The following LINGO2 variants were observed in gnomAD, a reference collection of about 807,000 sequenced individuals.
LINGO2 encodes leucine rich repeat and Ig domain containing 2, also known as leucine-rich repeat and immunoglobulin-like domain-containing nogo receptor-interacting protein 2.
In LINGO2, 14 loss-of-function variants were observed where a neutral mutation model predicts 30.6. That is an observed-to-expected ratio of 0.46 (90% confidence interval 0.30 to 0.72). The LOEUF (loss-of-function observed/expected upper bound fraction) is 0.72. Among genes scored for constraint, LINGO2 ranks in the 30% least tolerant of loss-of-function variants. The probability of loss-of-function intolerance (pLI) is 0.07; values close to 1 mark genes in which losing one functional copy is unlikely to be tolerated. For synonymous variants in LINGO2, 317 were observed against 288.5 expected (o/e 1.10, Z -1.00); for missense variants, 729 against 751.7 (o/e 0.97, Z 0.35).
At chr9:28,677,111 A>G in the LINGO2 span, among the ~76,000 whole-genome samples, 1 of 152,136 alleles carries the variant, frequency 6.6e-6, no homozygotes, top group Non-Finnish European at 1.5e-5. Context: ...CAGTCCAAAT[A>G]TATTATTTTA....
chr9:28,589,880 A>C (rs1824780513), intron 1 of LINGO2, among the ~76,000 whole-genome samples: 1 of 152,206 alleles, frequency 6.6e-6, no homozygotes, highest in Admixed American at 6.5e-5. Flanking sequence ...AGCTGGAGGC[A>C]TCACACTACC....
chr9:28,406,595 G>A (rs1351670087), intron 2 of LINGO2, among the ~76,000 whole-genome samples: 1 of 151,914 alleles, frequency 6.6e-6, no homozygotes, highest in Admixed American at 6.6e-5. Context: ...TTAATTAACA[G>A]AACAGGTGAA....
chr9:28,906,670 T>C, the LINGO2 span, among the ~76,000 whole-genome samples: 1 of 151,878 alleles, frequency 6.6e-6, no homozygotes. Context: ...GAAAGAAATA[T>C]AAAATGAAAT....
At chr9:28,861,136 A>C in the LINGO2 span, among the ~76,000 whole-genome samples, 1 of 113,148 alleles carries the variant, frequency 8.8e-6, no homozygotes, top group Admixed American at 1.1e-4. Context: ...AATTATATAA[A>C]TTTTTATATA....
the LINGO2 span, among the ~76,000 whole-genome samples, chr9:28,935,837 A>G: frequency 6.6e-6 from 1 of 152,068 alleles, no homozygotes; most frequent in Non-Finnish European, 1.5e-5. Context: ...CTGGCAAAAT[A>G]GGGCTCAATC....
chr9:28,175,879 C>T (rs968063788), intron 4 of LINGO2, among the ~76,000 whole-genome samples: 26 of 152,286 alleles, frequency 1.7e-4, no homozygotes, highest in African/African-American at 6.3e-4. Flanking sequence ...CTGGATGAAG[C>T]TCGTTCTCTG....
At chr9:28,543,445 T>A (rs1164978944) in intron 1 of LINGO2, among the ~76,000 whole-genome samples, 4 of 152,130 alleles carry the variant, frequency 2.6e-5, no homozygotes, top group African/African-American at 9.6e-5. Context: ...CATTTACGCC[T>A]TGTGAATAAG....
At chr9:29,086,337 T>G in the LINGO2 span, among the ~76,000 whole-genome samples, 1 of 152,094 alleles carries the variant, frequency 6.6e-6, no homozygotes, top group Non-Finnish European at 1.5e-5. Context: ...ATTTTTGGTA[T>G]GATTGAACAA....
the LINGO2 span, among the ~76,000 whole-genome samples, chr9:28,857,806 C>A: frequency 6.6e-6 from 1 of 151,702 alleles, no homozygotes; most frequent in African/African-American, 2.4e-5. Context: ...AAAATATTAA[C>A]ATTTTTTACA....
intron 1 of LINGO2, among the ~76,000 whole-genome samples, chr9:28,567,139 T>G (rs1320990962): frequency 6.6e-6 from 1 of 152,098 alleles, no homozygotes; most frequent in African/African-American, 2.4e-5. Context: ...AAAAGGCAGC[T>G]ATTATGTTGG....
chr9:29,115,086 C>T, the LINGO2 span, among the ~76,000 whole-genome samples: 1 of 152,038 alleles, frequency 6.6e-6, no homozygotes, highest in Non-Finnish European at 1.5e-5. Context: ...TAATACCCAA[C>T]CTGAGTTAAC....
At chr9:28,939,113 G>C in the LINGO2 span, among the ~76,000 whole-genome samples, 1 of 152,086 alleles carries the variant, frequency 6.6e-6, no homozygotes, top group Non-Finnish European at 1.5e-5. Context: ...AACACATATA[G>C]TGCAAGAATG....
At chr9:28,110,085 A>C (rs1244003332) in intron 4 of LINGO2, among the ~76,000 whole-genome samples, 1 of 152,190 alleles carries the variant, frequency 6.6e-6, no homozygotes, top group Non-Finnish European at 1.5e-5. Context: ...CTCAGAAATA[A>C]CACCACACAT....
chr9:28,569,259 C>T (rs191696014), intron 1 of LINGO2, among the ~76,000 whole-genome samples: 2 of 151,940 alleles, frequency 1.3e-5, no homozygotes, highest in African/African-American at 4.8e-5. Flanking sequence ...AATACACTTC[C>T]GTATGATCCA....
the LINGO2 span, among the ~76,000 whole-genome samples, chr9:28,715,804 A>C: frequency 1.3e-5 from 2 of 152,098 alleles, no homozygotes; most frequent in Non-Finnish European, 2.9e-5. Flanking sequence ...CTTAGAAGAA[A>C]GAAAGAAAAG....
intron 1 of LINGO2, among the ~76,000 whole-genome samples, chr9:28,506,411 T>C (rs57482113): frequency 8.2e-4 from 6 of 7,314 alleles, no homozygotes; most frequent in Admixed American, 1.6e-3. Flanking sequence ...TATATATATA[T>C]ATATATATAT....
At chr9:28,500,236 G>A (rs73439376) in intron 1 of LINGO2, among the ~76,000 whole-genome samples, 1,866 of 152,134 alleles carry the variant, frequency 0.012, 31 homozygotes, top group African/African-American at 0.039. Flanking sequence ...GAAGTTGGGG[G>A]CTTTCACACC....
the LINGO2 span, among the ~76,000 whole-genome samples, chr9:29,011,005 C>G: frequency 6.6e-6 from 1 of 152,166 alleles, no homozygotes; most frequent in Non-Finnish European, 1.5e-5. Context: ...ACTTAACCTA[C>G]CTAAGCTTCA....
rs544130847 is a variant in LINGO2, at chr9:28,411,458, A to T, written c.-278-38590T>A. Among the ~76,000 whole-genome samples, 10 of 152,242 alleles carry T rather than the reference A, an allele frequency of 6.6e-5. No individual in the cohort carries two copies. In the South Asian group the frequency reaches 2.1e-3, roughly 32 times the overall value. Reference sequence around the variant, plus strand: ...AATCATCACCACCATCCATCTCCAGAATTCTGCATCTTGCAAAACTTATTT... The same window carrying T: ...AATCATCACCACCATCCATCTCCAGTATTCTGCATCTTGCAAAACTTATTT... On this transcript the variant is annotated intron_variant, in intron 2 of 5. Coordinates refer to ENST00000379992, the Ensembl canonical transcript of LINGO2.
Sources: gnomAD v4.1 joint callset for allele counts (sites outside exome capture counted in the v4.1 genomes callset) on GRCh38, gnomAD v4.1.1 for gene constraint, MANE v1.5 for transcripts, NCBI Gene and HGNC (gene_info 2026-07-23, HGNC 2026-07-21) for gene names.